SLC35A3: variants seen among roughly 807,000 people sequenced by gnomAD.
The protein encoded by SLC35A3 is solute carrier family 35 member A3.
Under a neutral mutation model 39.0 loss-of-function variants are expected in SLC35A3, and 26 were observed. The ratio of observed to expected loss-of-function variants is 0.67; its 90% CI spans 0.49 to 0.92. The LOEUF (loss-of-function observed/expected upper bound fraction) is 0.92. SLC35A3 is among the 40% of genes least tolerant of loss of function. SLC35A3 has a pLI of 0.00. For missense variants in SLC35A3, 299 were observed against 371.6 expected, an observed-to-expected ratio of 0.80 and a Z score of 1.61; for synonymous variants, 135 against 133.1, an observed-to-expected ratio of 1.01 and a Z score of -0.10.
In SLC35A3 at chr1:99,978,954, G is replaced by A. The variant is rs911798029; in HGVS notation, c.-19+8792G>A. 1.3e-5 allele frequency: 2 copies of A among 152,172 alleles called. 1 individual carries two copies. The highest frequency in any genetic ancestry group is 2.9e-5 in the Non-Finnish European group (2 of 68,026). The allele number at this position is 152,172 out of a possible 1,614,324, so 9.4% of individuals were successfully genotyped here. A position where few individuals can be genotyped will look rare whatever the true frequency, so the allele number is the denominator to read the frequency against. On this transcript the variant is annotated intron_variant, in intron 1 of 7. Transcript: ENST00000533028. ...TAGACATAGAGTGTTCCCTTTGGCAGCACATATACTAAAGTTCGAACGTTA... is the reference window on the plus strand; with the variant it reads ...TAGACATAGAGTGTTCCCTTTGGCAACACATATACTAAAGTTCGAACGTTA...
Position 100,027,677 on chromosome 1 carries a change from A to G in SLC35A3, c.*5201A>G, listed in dbSNP as rs766071707. The G allele has an allele frequency of 1.3e-5, 2 of 152,340 alleles. No individual in the cohort carries two copies. The highest frequency in any genetic ancestry group is 2.9e-5 in the Non-Finnish European group (2 of 68,124). The allele number at this position is 152,340 out of a possible 1,614,324, so 9.4% of individuals were successfully genotyped here. A position where few individuals can be genotyped will look rare whatever the true frequency, so the allele number is the denominator to read the frequency against. On this transcript the variant is annotated 3_prime_UTR_variant, in exon 8 of 8. Coordinates refer to ENST00000533028, the MANE Select transcript of SLC35A3 (RefSeq NM_012243.3). ...CTGTCAATTGAATGCATGGAGATCAATTGTGATAATATACAGGATTTTAGT... is the reference window on the plus strand; with the variant it reads ...CTGTCAATTGAATGCATGGAGATCAGTTGTGATAATATACAGGATTTTAGT...
chr1:100,026,671 T>C lies in SLC35A3; in HGVS notation c.*4195T>C, dbSNP rs944224626. 5.3e-5 allele frequency: 8 copies of C among 152,204 alleles called. No individual in the cohort carries two copies. Among genetic ancestry groups the C allele is most frequent in the South Asian group, 2.1e-4 (1 of 4,834 alleles). The allele number at this position is 152,204 out of a possible 1,614,324, so 9.4% of individuals were successfully genotyped here. A position where few individuals can be genotyped will look rare whatever the true frequency, so the allele number is the denominator to read the frequency against. ...ATTGAACTTTTTGAAACTTTAACAA[T>C]TGTATAAAACTGTCAGTTTGTTGTT... On this transcript the variant is annotated 3_prime_UTR_variant, in exon 8 of 8. Transcript: ENST00000533028.
intron 2 of SLC35A3, among the ~76,000 whole-genome samples, chr1:99,997,896 G>A (rs1263355487): frequency 6.6e-6 from 1 of 152,062 alleles, no homozygotes; most frequent in African/African-American, 2.4e-5. Flanking sequence ...AAAAGATAAT[G>A]CTGTATGAGA....
Position 100,018,082 on chromosome 1 carries a change from TTAA to T in SLC35A3, c.887+271_887+273del, listed in dbSNP as rs1447774390. Among the ~76,000 whole-genome samples the T allele has an allele frequency of 4.6e-5, 7 of 152,216 alleles. No individual in the cohort carries two copies. In the East Asian group the frequency reaches 1.2e-3, roughly 25 times the overall value. On this transcript the variant is annotated intron_variant, in intron 7 of 7. Coordinates refer to ENST00000533028, the MANE Select transcript of SLC35A3 (RefSeq NM_012243.3). ...AAAGTAAAAAAGTGATATAAAAAAG[TTAA>T]TAAGTCATATAAAGTCATAAAAATA... is the stretch of plus-strand genomic sequence containing the variant.
intron 7 of SLC35A3, among the ~76,000 whole-genome samples, chr1:100,021,084 T>A (rs375212668): frequency 1.9e-4 from 29 of 152,310 alleles, no homozygotes; most frequent in African/African-American, 6.5e-4. Context: ...AATAGCATTT[T>A]AAAAAATGTA....
At chr1:100,012,729 T>G (rs536409357) in intron 5 of SLC35A3, among the ~76,000 whole-genome samples, 15 of 152,196 alleles carry the variant, frequency 9.9e-5, no homozygotes, top group Non-Finnish European at 2.1e-4. Flanking sequence ...ATGTAAGAAT[T>G]CCAAGTCTGG....
intron 1 of SLC35A3, among the ~76,000 whole-genome samples, chr1:99,991,909 C>T (rs987316141): frequency 1.3e-5 from 2 of 152,094 alleles, no homozygotes; most frequent in African/African-American, 4.8e-5. Flanking sequence ...CCACCACACC[C>T]AGCTAATTTT....
chr1:99,997,571 T>A (rs1309512825), intron 2 of SLC35A3, among the ~76,000 whole-genome samples: 1 of 146,796 alleles, frequency 6.8e-6, no homozygotes, highest in Non-Finnish European at 1.5e-5. Flanking sequence ...ATATATTTAT[T>A]TATTTATTTA....
At chr1:99,974,568 G>A (rs909511537) in intron 1 of SLC35A3, among the ~76,000 whole-genome samples, 3 of 152,026 alleles carry the variant, frequency 2.0e-5, no homozygotes, top group African/African-American at 7.2e-5. Flanking sequence ...GGCCTCAAGC[G>A]ATCCTCCCAC....
intron 5 of SLC35A3, among the ~76,000 whole-genome samples, chr1:100,014,718 T>G (rs1024111490): frequency 5.3e-5 from 8 of 152,328 alleles, no homozygotes; most frequent in Admixed American, 5.2e-4. Context: ...ATTGTATTAT[T>G]TTAGTGCTCC....
intron 7 of SLC35A3, among the ~76,000 whole-genome samples, chr1:100,019,769 T>A (rs1281940705): frequency 2.6e-5 from 4 of 152,178 alleles, no homozygotes; most frequent in Non-Finnish European, 5.9e-5. Context: ...ATATCTGTCT[T>A]CTCTAGGAAG....
At chr1:100,008,068 C>A (rs1659371172) in intron 4 of SLC35A3, 1 of 151,740 alleles carries the variant, frequency 6.6e-6, no homozygotes, top group African/African-American at 2.4e-5. Context: ...TCTCCTGCCT[C>A]AGCCTTCCAA....
chr1:99,986,643 A>G (rs1329043915), intron 1 of SLC35A3, among the ~76,000 whole-genome samples: 1 of 151,918 alleles, frequency 6.6e-6, no homozygotes. Context: ...GCTGGAGTGC[A>G]GTGGTACACA....
At chr1:100,012,991 G>A (rs1410694182) in intron 5 of SLC35A3, among the ~76,000 whole-genome samples, 2 of 152,094 alleles carry the variant, frequency 1.3e-5, no homozygotes, top group East Asian at 1.9e-4. Flanking sequence ...CTACCTCATA[G>A]TGTTGTATGT....
intron 3 of SLC35A3, among the ~76,000 whole-genome samples, chr1:100,006,274 T>TA (rs1251186671): frequency 1.3e-5 from 2 of 152,138 alleles, no homozygotes; most frequent in Admixed American, 6.5e-5. Context: ...TGTATGCAGA[T>TA]ACTAGCAGTG....
Position 99,997,206 on chromosome 1 carries a change from T to A in SLC35A3, c.188-2055T>A, listed in dbSNP as rs1658447979. Among the ~76,000 whole-genome samples the A allele has an allele frequency of 3.3e-5, 5 of 151,690 alleles. No homozygotes were observed. In the South Asian group the frequency reaches 1.0e-3, roughly 32 times the overall value. On this transcript the variant is annotated intron_variant, in intron 2 of 7. Coordinates refer to ENST00000533028, the MANE Select transcript of SLC35A3 (RefSeq NM_012243.3). ...CCGGCTTCCTTGCAGCTATGGGTAG[T>A]TATGCAACACAATTCTGTTCAATGA...
rs1227353605 is a variant in SLC35A3 at position 100,025,239 on chromosome 1, G to C, written c.*2763G>C. 2.6e-5 allele frequency: 4 copies of C among 152,192 alleles called. No homozygotes were observed. Among genetic ancestry groups the C allele is most frequent in the African/African-American group, 4.8e-5 (2 of 41,438 alleles). The allele number at this position is 152,192 out of a possible 1,614,324, so 9.4% of individuals were successfully genotyped here. A position where few individuals can be genotyped will look rare whatever the true frequency, so the allele number is the denominator to read the frequency against. ...CCTGCAAATGCACAGAATTCAAGCT[G>C]AAATATAATGATTTATGTTTAGCTC... On this transcript the variant is annotated 3_prime_UTR_variant, in exon 8 of 8. Transcript: ENST00000533028.
intron 4 of SLC35A3, chr1:100,007,778 T>A (rs1373448456): frequency 1.3e-5 from 2 of 151,252 alleles, no homozygotes; most frequent in Non-Finnish European, 2.9e-5. Context: ...CCTCCCAAAG[T>A]GTTAGATGTG....
chr1:100,011,251 C>T, intron 4 of SLC35A3, 114 bp from the exon 5 acceptor site: 1 of 457,232 alleles, frequency 2.2e-6, no homozygotes, highest in Non-Finnish European at 3.9e-6. Context: ...CCTTTGCAGT[C>T]CCAAAAATGA....
Sources: gnomAD v4.1 joint callset for allele counts (sites outside exome capture counted in the v4.1 genomes callset) on GRCh38, gnomAD v4.1.1 for gene constraint, MANE v1.5 for transcripts, NCBI Gene and HGNC (gene_info 2026-07-23, HGNC 2026-07-21) for gene names.